FRMD4B: variants seen among roughly 807,000 people sequenced by gnomAD.
The protein encoded by FRMD4B is FERM domain-containing protein 4B.
Under a neutral mutation model 141.5 loss-of-function variants are expected in FRMD4B, and 74 were observed. The observed-to-expected ratio is 0.52, with a 90% CI of 0.43 to 0.63. The LOEUF is 0.63. FRMD4B is among the 30% of genes least tolerant of loss of function. The pLI is 0.00. For synonymous variants in FRMD4B, 506 were observed against 467.9 expected, an observed-to-expected ratio of 1.08 and a Z score of -1.05; for missense variants, 1,366 against 1,253.4, an observed-to-expected ratio of 1.09 and a Z score of -1.36.
rs563558116 is a variant in FRMD4B at position 69,430,342 on chromosome 3, G to C, written c.-1+2292C>G. Among the ~76,000 whole-genome samples the C allele has an allele frequency of 2.6e-5, 4 of 152,214 alleles. No homozygotes were observed. In the East Asian group the frequency reaches 7.7e-4, roughly 29 times the overall value. On this transcript the variant is annotated intron_variant, in intron 2 of 5. Coordinates refer to the FRMD4B transcript ENST00000459638. ...CTTTCAGACCCTGCCCAGCACTATG[G>C]GCAAGGCCTATTTAGGCTGATCCTT...
At chr3:69,418,087 GTA>G (rs978346775) in intron 2 of FRMD4B, among the ~76,000 whole-genome samples, 16 of 152,054 alleles carry the variant, frequency 1.1e-4, no homozygotes, top group Admixed American at 5.9e-4. Context: ...AGTCTTTGAT[GTA>G]TATATATGGT....
chr3:69,355,925 T>A (rs1451581019), intron 1 of FRMD4B, among the ~76,000 whole-genome samples: 2 of 152,090 alleles, frequency 1.3e-5, no homozygotes, highest in Admixed American at 6.5e-5. Context: ...CTCGGGAGGC[T>A]GAAGCAGGAG....
chr3:69,200,185 G>T (rs1242281867), intron 11 of FRMD4B, among the ~76,000 whole-genome samples: 1 of 152,100 alleles, frequency 6.6e-6, no homozygotes, highest in East Asian at 1.9e-4. Context: ...AAAATGAGCT[G>T]AAGGTTTCTA....
chr3:69,274,401 C>T lies in FRMD4B; in HGVS notation c.501+13351G>A, dbSNP rs796754829. On this transcript the variant is annotated intron_variant, in intron 5 of 22. Coordinates refer to ENST00000398540, the MANE Select transcript of FRMD4B (RefSeq NM_015123.3). The stretch of plus-strand genomic sequence containing the variant: ...CCACCACCCCATTATGCACCTCCTC[C>T]GTAGCTGGCAGGGGGCTGGCTAAGA... Among the ~76,000 whole-genome samples the T allele has an allele frequency of 2.6e-5, 4 of 152,258 alleles. No individual in the cohort carries two copies. In the South Asian group the frequency reaches 6.2e-4, roughly 24 times the overall value.
intron 7 of FRMD4B, among the ~76,000 whole-genome samples, chr3:69,243,134 C>G (rs2093398929): frequency 6.6e-6 from 1 of 151,894 alleles, no homozygotes; most frequent in Non-Finnish European, 1.5e-5. Flanking sequence ...AGCCTGTTAT[C>G]TTTGCGGTTT....
chr3:69,169,621 T>C lies in FRMD4B; in HGVS notation c.*2240A>G, dbSNP rs2092565895. On this transcript the variant is annotated 3_prime_UTR_variant, in exon 23 of 23. Coordinates refer to ENST00000398540, the MANE Select transcript of FRMD4B (RefSeq NM_015123.3). The stretch of plus-strand genomic sequence containing the variant: ...ATCCTCCCACTTCGGCCTCCCAAAG[T>C]GCTGGGATTACAGGTGTGAGCCGCT... Among the ~76,000 whole-genome samples, 1 of 152,120 alleles carries C rather than the reference T, an allele frequency of 6.6e-6. No homozygotes were observed. Among genetic ancestry groups the C allele is most frequent in the Non-Finnish European group, 1.5e-5 (1 of 68,020 alleles).
chr3:69,412,543 T>C lies in FRMD4B; in HGVS notation c.-1+20091A>G, dbSNP rs1298934743. ...TATCCAAGGGAAGTAAGACAGTCAC[T>C]TGCTCAAAGTTCTTCCCTGTAGAGG... On this transcript the variant is annotated intron_variant, in intron 2 of 5. Transcript: ENST00000459638. 2.4e-4 allele frequency among the ~76,000 whole-genome samples: 37 copies of C among 152,224 alleles called. 1 individual carries two copies. Among genetic ancestry groups the C allele is most frequent in the Admixed American group, 2.4e-3 (37 of 15,282 alleles).
chr3:69,232,554 A>G (rs1300241872), intron 7 of FRMD4B, among the ~76,000 whole-genome samples: 1 of 152,170 alleles, frequency 6.6e-6, no homozygotes, highest in Non-Finnish European at 1.5e-5. Context: ...ACTGACCCCA[A>G]GTACCCTGAC....
At chr3:69,266,155 T>C (rs920109482) in intron 5 of FRMD4B, among the ~76,000 whole-genome samples, 1 of 151,990 alleles carries the variant, frequency 6.6e-6, no homozygotes, top group Non-Finnish European at 1.5e-5. Flanking sequence ...TGAGCTGTGA[T>C]TCCATCACTG....
intron 3 of FRMD4B, among the ~76,000 whole-genome samples, chr3:69,307,963 C>T (rs1386047114): frequency 6.6e-6 from 1 of 152,162 alleles, no homozygotes; most frequent in East Asian, 1.9e-4. Flanking sequence ...TGTTCGTTGC[C>T]ATGTTCATGC....
Position 69,311,312 on chromosome 3 carries a change from A to C in FRMD4B, c.274T>G (p.Phe92Val). 1 of 1,602,196 alleles carries C rather than the reference A, an allele frequency of 6.2e-7. No individual in the cohort carries two copies. Among genetic ancestry groups the C allele is most frequent in the South Asian group, 1.1e-5 (1 of 90,576 alleles). Residue 92 changes from phenylalanine (F) to valine (V), a missense_variant, in exon 3 of 23, where the codon TTC (phenylalanine) becomes GTC (valine). By Grantham distance (50) the Phe-to-Val change is conservative. Coordinates refer to ENST00000398540, the MANE Select transcript of FRMD4B (RefSeq NM_015123.3). The part of the protein sequence containing the change: ...RELLDLVASH[F>V]NLKEKEYFGI... ...AAATACTCCTTTTCTTTCAGGTTGA[A>C]ATGTGAAGCCACTAGGTCCAGCAAC... is the stretch of plus-strand genomic sequence containing the variant.
chr3:69,215,379 G>T (rs1046715124), intron 11 of FRMD4B, among the ~76,000 whole-genome samples: 1 of 132,398 alleles, frequency 7.6e-6, no homozygotes, highest in Non-Finnish European at 1.5e-5. Flanking sequence ...TGCAACCTCT[G>T]CCTCCCAGAT....
intron 2 of FRMD4B, among the ~76,000 whole-genome samples, chr3:69,422,067 T>C (rs1438191173): frequency 6.6e-6 from 1 of 152,188 alleles, no homozygotes; most frequent in Non-Finnish European, 1.5e-5. Context: ...CAAAGTACAT[T>C]CATAGGGATT....
chr3:69,459,098 T>C (rs1274630084), intron 1 of FRMD4B, among the ~76,000 whole-genome samples: 2 of 152,214 alleles, frequency 1.3e-5, no homozygotes, highest in East Asian at 3.8e-4. Flanking sequence ...ATGCAATAAA[T>C]ACACCGTTGG....
At chr3:69,474,759 C>G (rs1286400590) in intron 1 of FRMD4B, among the ~76,000 whole-genome samples, 2 of 152,164 alleles carry the variant, frequency 1.3e-5, no homozygotes, top group Non-Finnish European at 2.9e-5. Flanking sequence ...ACATGCCACA[C>G]AAGGGGCAAG....
chr3:69,479,699 CT>C (rs1706081290), intron 1 of FRMD4B, among the ~76,000 whole-genome samples: 1 of 152,164 alleles, frequency 6.6e-6, no homozygotes, highest in Non-Finnish European at 1.5e-5. Context: ...AGTTGCTCTT[CT>C]CAAAGAGTAT....
intron 2 of FRMD4B, among the ~76,000 whole-genome samples, chr3:69,418,844 A>G (rs1575795691): frequency 7.3e-6 from 1 of 136,904 alleles, no homozygotes; most frequent in African/African-American, 2.6e-5. Context: ...GTGTGTGTGT[A>G]TAACACACAC....
intron 8 of FRMD4B, among the ~76,000 whole-genome samples, chr3:69,222,284 A>G (rs1465863286): frequency 6.6e-6 from 1 of 151,708 alleles, no homozygotes; most frequent in African/African-American, 2.4e-5. Context: ...TGGCTAACAC[A>G]GTGAAACCCC....
At chr3:69,262,899 G>T (rs996011616) in intron 5 of FRMD4B, among the ~76,000 whole-genome samples, 3 of 152,102 alleles carry the variant, frequency 2.0e-5, no homozygotes, top group South Asian at 2.1e-4. Flanking sequence ...GACAATAAAA[G>T]AATACATACT....
Sources: gnomAD v4.1 joint callset for allele counts (sites outside exome capture counted in the v4.1 genomes callset) on GRCh38, gnomAD v4.1.1 for gene constraint, MANE v1.5 for transcripts, NCBI Gene and HGNC (gene_info 2026-07-23, HGNC 2026-07-21) for gene names.